The following WDR97 variants were observed in gnomAD, a reference collection of about 807,000 sequenced individuals.
WDR97 encodes WD repeat domain 97.
WDR97 carries 111 observed loss-of-function variants against 65.4 expected under a neutral mutation model. The ratio of observed to expected loss-of-function variants is 1.70; its 90% confidence interval spans 1.45 to 1.99. The LOEUF is 1.99. Ranked by LOEUF, WDR97 falls within the 30% of genes most tolerant of loss-of-function variation. WDR97 has a pLI of 0.00. For synonymous variants in WDR97, 802 were observed against 397.7 expected, an observed-to-expected ratio of 2.02 and a Z score of -12.10; for missense variants, 1,674 against 865.0, an observed-to-expected ratio of 1.94 and a Z score of -11.73.
At position 144,108,136 on chromosome 8, in the gene WDR97, G is replaced by T. The variant is rs1024942614; in HGVS notation, c.190G>T (p.Ala64Ser). ...SQQWQSLTPR[A>S]RARRLWLLLR... ...ACAGTGGCAAAGCCTGACCCCGCGC[G>T]CCCGCGCCCGCCGGCTGTGGCTGCT... The change falls in exon 2 of 24, where the codon GCC becomes TCC. Residue 64 changes from alanine to serine, a missense_variant. Transcript: ENST00000323662. 2 of 702,428 alleles carry T rather than the reference G, an allele frequency of 2.8e-6. No individual in the cohort carries two copies. Among genetic ancestry groups the T allele is most frequent in the South Asian group, 3.0e-5 (2 of 67,570 alleles). The allele number at this position is 702,428 out of a possible 1,614,324, so 43.5% of individuals were successfully genotyped here.
intron 4 of WDR97, 33 bp downstream of exon 4, chr8:144,109,203 C>T (rs1050213265): frequency 1.4e-6 from 1 of 702,786 alleles, no homozygotes; most frequent in Non-Finnish European, 2.6e-6. Context: ...CGAGCCTCGG[C>T]CCTTTGCCTC....
In WDR97 at chr8:144,116,099, C is replaced by A. The variant is rs1020622490; in HGVS notation, c.4675C>A (p.Arg1559=). The change falls in exon 24 of 24, where the codon CGG becomes AGG. Residue 1559 remains arginine (R), a synonymous_variant. Coordinates refer to ENST00000323662, the MANE Select transcript of WDR97 (RefSeq NM_001316309.2). ...RSAMRLRGPM[R]SRLCAGRTLD... Reference sequence around the variant, plus strand: ...CCTCCGCCCGCCCCCAGGCCCCATGCGGTCCCGGCTCTGTGCGGGCCGCAC... The same window carrying A: ...CCTCCGCCCGCCCCCAGGCCCCATGAGGTCCCGGCTCTGTGCGGGCCGCAC... The A allele has an allele frequency of 5.8e-6, 4 of 690,068 alleles. No individual in the cohort carries two copies. The African/African-American group carries it at 7.1e-5, about 12-fold the overall frequency. The allele number at this position is 690,068 out of a possible 1,614,324, so 42.7% of individuals were successfully genotyped here. A position where few individuals can be genotyped will look rare whatever the true frequency, so the allele number is the denominator to read the frequency against.
rs756183146 is a variant in WDR97 at position 144,108,694 on chromosome 8, C to G, written c.628C>G (p.Leu210Val). 1.4e-5 allele frequency: 10 copies of G among 700,862 alleles called. No homozygotes were observed. The highest frequency in any genetic ancestry group is 1.2e-4 in the Admixed American group (6 of 49,984). 43.4% of individuals were successfully genotyped at this position (700,862 alleles called of 1,614,324 possible). The stretch of plus-strand genomic sequence containing the variant: ...CTGCCTGCCGGTTCCCGACCTCAGG[C>G]TGCTGCTCGTTGCGGAGATGAACAG... ...TCCLPVPDLR[L>V]LLVAEMNSSL... Residue 210 changes from leucine (L) to valine (V), a missense_variant, in exon 3 of 24, where the codon CTG (leucine) becomes GTG (valine). Physicochemically the swap from Leu to Val is conservative, Grantham distance 32 (BLOSUM62 1). Transcript: ENST00000323662.
intron 15 of WDR97, chr8:144,112,797 C>A (rs962201281): frequency 9.1e-6 from 5 of 548,154 alleles, no homozygotes; most frequent in Non-Finnish European, 1.3e-5. Flanking sequence ...GCCAGTCCCC[C>A]CAGCCGGTTA....
intron 15 of WDR97, 136 bp from the exon 16 acceptor site, chr8:144,113,295 TGCTAGCTCA>T (rs1836584358): frequency 3.0e-6 from 2 of 658,486 alleles, no homozygotes; most frequent in Non-Finnish European, 5.5e-6. Context: ...GAGTAGGGGT[TGCTAGCTCA>T]GCCAGCTCTC....
rs1260736169 is a variant in WDR97 at position 144,115,472 on chromosome 8, G to C, written c.4209G>C (p.Val1403=). Residue 1403 remains valine (V), a synonymous_variant, in exon 22 of 24, where the codon GTG becomes GTC. Coordinates refer to ENST00000323662, the MANE Select transcript of WDR97 (RefSeq NM_001316309.2). ...AGGTCTCAGAGGTGCCTTTGATGGT[G>C]GTCTCACCTGCGGAGCCGCACTCTT... The part of the protein sequence containing the change: ...LSQVSEVPLM[V]VSPAEPHSLA... The C allele has an allele frequency of 1.4e-6, 1 of 695,310 alleles. No homozygotes were observed. Among genetic ancestry groups the C allele is most frequent in the East Asian group, 2.7e-5 (1 of 37,022 alleles). The allele number at this position is 695,310 out of a possible 1,614,324, so 43.1% of individuals were successfully genotyped here. A position where few individuals can be genotyped will look rare whatever the true frequency, so the allele number is the denominator to read the frequency against.
Position 144,109,790 on chromosome 8 carries a change from C to G in WDR97, c.1456C>G (p.Arg486Gly). 1 of 670,226 alleles carries G rather than the reference C, an allele frequency of 1.5e-6. No individual in the cohort carries two copies. 41.5% of individuals were successfully genotyped at this position (670,226 alleles called of 1,614,324 possible). Residue 486 changes from arginine to glycine, a missense_variant, in exon 5 of 24, where the codon CGC (arginine) becomes GGC (glycine). By Grantham distance (125) the Arg-to-Gly change is moderately radical. Coordinates refer to ENST00000323662, the MANE Select transcript of WDR97 (RefSeq NM_001316309.2). ...GGCAGCCGTGGCCTACTGCCTGCCGCGCGAGGCGCTGTGGCTGCTGACCAG... is the reference window on the plus strand; with the variant it reads ...GGCAGCCGTGGCCTACTGCCTGCCGGGCGAGGCGCTGTGGCTGCTGACCAG... ...CAAAVAYCLPREALWLLTRAG... is the reference protein window; with the variant it reads ...CAAAVAYCLPGEALWLLTRAG...
In WDR97 at chr8:144,109,582, GCCGTTGGCGC is replaced by G; in HGVS notation, c.1249_1258del (p.Pro417AsnfsTer46). On this transcript the variant is annotated frameshift_variant, in exon 5 of 24. Coordinates refer to ENST00000323662, the MANE Select transcript of WDR97 (RefSeq NM_001316309.2). LOFTEE classifies it high-confidence loss of function. ...TGTGGCGCGTACGCGAGCTCTACTCGCCGTTGGCGCAACTGCCCGCCAAGGTGCTCCACGT... is the reference window on the plus strand; with the variant it reads ...TGTGGCGCGTACGCGAGCTCTACTCGAACTGCCCGCCAAGGTGCTCCACGT... 1.4e-6 allele frequency: 1 copy of G among 692,022 alleles called. No homozygotes were observed. Among genetic ancestry groups the G allele is most frequent in the Non-Finnish European group, 2.6e-6 (1 of 380,250 alleles). 42.9% of individuals were successfully genotyped at this position (692,022 alleles called of 1,614,324 possible). A position where few individuals can be genotyped will look rare whatever the true frequency, so the allele number is the denominator to read the frequency against.
Position 144,109,474 on chromosome 8 carries a change from G to A in WDR97, c.1140G>A (p.Lys380=), listed in dbSNP as rs944268575. 2.9e-6 allele frequency: 2 copies of A among 699,422 alleles called. No homozygotes were observed. The highest frequency in any genetic ancestry group is 2.7e-5 in the East Asian group (1 of 37,196). 43.3% of individuals were successfully genotyped at this position (699,422 alleles called of 1,614,324 possible). A position where few individuals can be genotyped will look rare whatever the true frequency, so the allele number is the denominator to read the frequency against. The change falls in exon 5 of 24, where the codon AAG becomes AAA. Residue 380 remains lysine, a synonymous_variant. Transcript: ENST00000323662. The part of the protein sequence containing the change: ...EVALGFWGQD[K]LSRRVGRLLA... ...CGCTGGGCTTCTGGGGCCAGGACAAGCTGTCCCGGCGCGTGGGCCGTCTGC... is the reference window on the plus strand; with the variant it reads ...CGCTGGGCTTCTGGGGCCAGGACAAACTGTCCCGGCGCGTGGGCCGTCTGC...
rs887998507 is a variant in WDR97 at position 144,118,007 on chromosome 8, C to A, written c.*1714C>A. On this transcript the variant is annotated 3_prime_UTR_variant, in exon 24 of 24. Coordinates refer to ENST00000323662, the MANE Select transcript of WDR97 (RefSeq NM_001316309.2). ...TGGGAAAAGGTCAAAGAGAAAGATG[C>A]TGTTGTCTGAGTCTTGCCTCTGAGG... is the stretch of plus-strand genomic sequence containing the variant. 2.6e-5 allele frequency: 4 copies of A among 152,152 alleles called. No individual in the cohort carries two copies. Among genetic ancestry groups the A allele is most frequent in the Non-Finnish European group, 5.9e-5 (4 of 68,042 alleles). 9.4% of individuals were successfully genotyped at this position (152,152 alleles called of 1,614,324 possible). A position where few individuals can be genotyped will look rare whatever the true frequency, so the allele number is the denominator to read the frequency against.
Position 144,116,227 on chromosome 8 carries a change from G to A in WDR97, c.4803G>A (p.Arg1601=). 1 of 682,188 alleles carries A rather than the reference G, an allele frequency of 1.5e-6. No individual in the cohort carries two copies. 42.3% of individuals were successfully genotyped at this position (682,188 alleles called of 1,614,324 possible). A position where few individuals can be genotyped will look rare whatever the true frequency, so the allele number is the denominator to read the frequency against. The change falls in exon 24 of 24, where the codon CGG becomes CGA. Residue 1601 remains arginine (R), a synonymous_variant. Transcript: ENST00000323662. ...WPMPPRPLPP[R]LLQPALQRYF... ...TGCCCCCGCGCCCGCTGCCCCCGCGGCTCCTGCAGCCGGCCCTGCAGCGCT... is the reference window on the plus strand; with the variant it reads ...TGCCCCCGCGCCCGCTGCCCCCGCGACTCCTGCAGCCGGCCCTGCAGCGCT...
rs541216414 is a variant in WDR97, at chr8:144,114,620, C to T, written c.3859C>T (p.Arg1287Trp). 3 of 702,876 alleles carry T rather than the reference C, an allele frequency of 4.3e-6. No individual in the cohort carries two copies. Among genetic ancestry groups the T allele is most frequent in the Non-Finnish European group, 5.2e-6 (2 of 384,998 alleles). The allele number at this position is 702,876 out of a possible 1,614,324, so 43.5% of individuals were successfully genotyped here. ...GCTCCTGGCCTGCTCCCTGGAGTCCCGGGATGTGGTGCTGGAGCTCATGTC... is the reference window on the plus strand; with the variant it reads ...GCTCCTGGCCTGCTCCCTGGAGTCCTGGGATGTGGTGCTGGAGCTCATGTC... ...QLLLACSLES[R>W]DVVLELMSYF... The change falls in exon 20 of 24, where the codon CGG (arginine) becomes TGG (tryptophan). Residue 1287 changes from arginine (R) to tryptophan (W), a missense_variant. Coordinates refer to ENST00000323662, the MANE Select transcript of WDR97 (RefSeq NM_001316309.2).
In WDR97 at chr8:144,116,004, A is replaced by C. The variant is rs1047049666; in HGVS notation, c.4657A>C (p.Arg1553=). 4 of 700,202 alleles carry C rather than the reference A, an allele frequency of 5.7e-6. No homozygotes were observed. In the African/African-American group the frequency reaches 7.0e-5, roughly 12 times the overall value. The allele number at this position is 700,202 out of a possible 1,614,324, so 43.4% of individuals were successfully genotyped here. ...KPQRSARSAM[R]LRGPMRSRLC... is the part of the protein sequence containing the mutation. ...GCAGAGGTCCGCGAGGTCCGCGATGAGACTGAGGGGTGAGTGGAGCCAGGG... is the reference window on the plus strand; with the variant it reads ...GCAGAGGTCCGCGAGGTCCGCGATGCGACTGAGGGGTGAGTGGAGCCAGGG... Residue 1553 remains arginine, a synonymous_variant, in exon 23 of 24, where the codon AGA becomes CGA. Coordinates refer to ENST00000323662, the MANE Select transcript of WDR97 (RefSeq NM_001316309.2).
At position 144,110,574 on chromosome 8, in the gene WDR97, A is replaced by C. The variant is rs773128949; in HGVS notation, c.2077A>C (p.Thr693Pro). The C allele has an allele frequency of 1.4e-6, 1 of 702,698 alleles. No individual in the cohort carries two copies. The highest frequency in any genetic ancestry group is 1.5e-5 in the South Asian group (1 of 67,578). The allele number at this position is 702,698 out of a possible 1,614,324, so 43.5% of individuals were successfully genotyped here. The stretch of plus-strand genomic sequence containing the variant: ...CCAGGACGACCCCACGGACCACATC[A>C]CTGGTGAGGGGGCAGCATGGGTGAA... ...RPQDDPTDHI[T>P]GLCCCPTLKL... Residue 693 changes from threonine to proline, a missense_variant, in exon 7 of 24, where the codon ACT becomes CCT. By Grantham distance (38) the Thr-to-Pro change is conservative. Transcript: ENST00000323662.
chr8:144,114,302 G>A lies in WDR97; in HGVS notation c.3619G>A (p.Glu1207Lys), dbSNP rs540903279. The change falls in exon 19 of 24, where the codon GAG becomes AAG. Residue 1207 changes from glutamate to lysine, a missense_variant. Coordinates refer to ENST00000323662, the MANE Select transcript of WDR97 (RefSeq NM_001316309.2). ...GGCATACCCGGAGGCGGGCACGATCGAGGGCCTGGCCTCGCTGTTGGTGGC... is the reference window on the plus strand; with the variant it reads ...GGCATACCCGGAGGCGGGCACGATCAAGGGCCTGGCCTCGCTGTTGGTGGC... ...LQAYPEAGTI[E>K]GLASLLVALL... The A allele has an allele frequency of 1.1e-5, 8 of 702,114 alleles. No homozygotes were observed. The highest frequency in any genetic ancestry group is 3.0e-5 in the South Asian group (2 of 67,588). The allele number at this position is 702,114 out of a possible 1,614,324, so 43.5% of individuals were successfully genotyped here. A position where few individuals can be genotyped will look rare whatever the true frequency, so the allele number is the denominator to read the frequency against.
At chr8:144,114,231 G>A in intron 18 of WDR97, 47 bp from the exon 19 acceptor site, 1 of 694,106 alleles carries the variant, frequency 1.4e-6, no homozygotes, top group Non-Finnish European at 2.6e-6. Flanking sequence ...GGTAGGGGCT[G>A]GCTTGGGTGT....
At position 144,112,494 on chromosome 8, in the gene WDR97, C is replaced by T. The variant is rs1836571580; in HGVS notation, c.3069C>T (p.Leu1023=). ...KRWDKEPLSS[L]RGFFPATVQP... ...GGGACAAGGAACCTCTCTCTAGCCTCAGGGGCTTCTTTCCTGCCACCGTGC... is the reference window on the plus strand; with the variant it reads ...GGGACAAGGAACCTCTCTCTAGCCTTAGGGGCTTCTTTCCTGCCACCGTGC... Residue 1023 remains leucine (L), a synonymous_variant, in exon 15 of 24, where the codon CTC becomes CTT. Transcript: ENST00000323662. 4 of 702,676 alleles carry T rather than the reference C, an allele frequency of 5.7e-6. No homozygotes were observed. Among genetic ancestry groups the T allele is most frequent in the Non-Finnish European group, 1.0e-5 (4 of 384,922 alleles). 43.5% of individuals were successfully genotyped at this position (702,676 alleles called of 1,614,324 possible). A position where few individuals can be genotyped will look rare whatever the true frequency, so the allele number is the denominator to read the frequency against.
rs1211803099 is a variant in WDR97, at chr8:144,112,248, C to T, written c.2920C>T (p.His974Tyr). 7 of 702,686 alleles carry T rather than the reference C, an allele frequency of 1.0e-5. No homozygotes were observed. Among genetic ancestry groups the T allele is most frequent in the Non-Finnish European group, 1.8e-5 (7 of 384,980 alleles). 43.5% of individuals were successfully genotyped at this position (702,686 alleles called of 1,614,324 possible). Residue 974 changes from histidine (H) to tyrosine (Y), a missense_variant, in exon 14 of 24, where the codon CAC becomes TAC. Physicochemically the swap from His to Tyr is moderately conservative, Grantham distance 83. Coordinates refer to ENST00000323662, the MANE Select transcript of WDR97 (RefSeq NM_001316309.2). ...GCTTCTGGCCCGCTCCTCACTGAGC[C>T]ACTACCTGGGCATCAGTCTGGATCT... ...SQLLARSSLS[H>Y]YLGISLDLQL...
In WDR97 at chr8:144,108,818, G is replaced by A; in HGVS notation, c.752G>A (p.Arg251His). 1 of 702,794 alleles carries A rather than the reference G, an allele frequency of 1.4e-6. No homozygotes were observed. The highest frequency in any genetic ancestry group is 1.5e-5 in the South Asian group (1 of 67,598). The allele number at this position is 702,794 out of a possible 1,614,324, so 43.5% of individuals were successfully genotyped here. The part of the protein sequence containing the change: ...PPPSPTGRLM[R>H]LAVAPVPPHH... ...CCGAGCCCAACAGGCAGGCTCATGC[G>A]TCTGGCTGTGGCGCCGGTTCCTCCC... The change falls in exon 3 of 24, where the codon CGT becomes CAT. Residue 251 changes from arginine (R) to histidine (H), a missense_variant. Physicochemically the swap from Arg to His is conservative, Grantham distance 29 (BLOSUM62 0). Coordinates refer to ENST00000323662, the MANE Select transcript of WDR97 (RefSeq NM_001316309.2).
Sources: allele counts gnomAD v4.1 joint callset, GRCh38; gene constraint gnomAD v4.1.1; transcripts MANE v1.5; gene names NCBI Gene and HGNC (gene_info 2026-07-23, HGNC 2026-07-21).